The following PUM3 variants were observed in gnomAD, a reference collection of about 807,000 sequenced individuals.
PUM3 encodes the protein pumilio RNA binding family member 3, also known as pumilio homolog 3.
In PUM3, 91 loss-of-function variants were observed where a neutral mutation model predicts 84.0. That is an observed-to-expected ratio of 1.08 (90% confidence interval 0.91 to 1.29). The LOEUF (loss-of-function observed/expected upper bound fraction) is 1.29, where lower values mean the gene tolerates loss of function less well. Among genes scored for constraint, PUM3 ranks in the 50% most tolerant of loss-of-function variants. The probability of loss-of-function intolerance (pLI) is 0.00; values close to 1 mark genes in which losing one functional copy is unlikely to be tolerated. For missense variants in PUM3, 1,067 were observed against 767.5 expected, an observed-to-expected ratio of 1.39 and a Z score of -4.61; for synonymous variants, 321 against 266.7, an observed-to-expected ratio of 1.20 and a Z score of -1.98.
chr9:2,829,181 A>G (rs893389293), intron 8 of PUM3, among the ~76,000 whole-genome samples: 2 of 152,246 alleles, frequency 1.3e-5, no homozygotes, highest in African/African-American at 2.4e-5. Flanking sequence ...GAACCTGGCT[A>G]ATGGAGGCAA....
chr9:2,843,847 G>A (rs1030994528), intron 1 of PUM3, among the ~76,000 whole-genome samples, 198 bp downstream of exon 1: 6 of 151,834 alleles, frequency 4.0e-5, no homozygotes, highest in Non-Finnish European at 8.8e-5. Flanking sequence ...CAAAGTGCTG[G>A]GATTACAGGC....
At position 2,826,214 on chromosome 9, in the gene PUM3, T is replaced by C. The variant is rs866683597; in HGVS notation, c.1035+859A>G. On this transcript the variant is annotated intron_variant, in intron 10 of 17. Transcript: ENST00000397885. ...ATGATTTTTTGCTGTTACTGAAACA[T>C]TCAACACTAAAAAGATACTTTCTAC... Among the ~76,000 whole-genome samples, 5 of 152,226 alleles carry C rather than the reference T, an allele frequency of 3.3e-5. No individual in the cohort carries two copies. In the South Asian group the frequency reaches 6.2e-4, roughly 19 times the overall value.
chr9:2,828,355 A>G, intron 9 of PUM3: 1 of 219,062 alleles, frequency 4.6e-6, no homozygotes. Context: ...ACCAAATTTG[A>G]GTAACAGATT....
chr9:2,825,306 C>A (rs183559732), intron 10 of PUM3, among the ~76,000 whole-genome samples: 90 of 152,214 alleles, frequency 5.9e-4, no homozygotes, highest in African/African-American at 2.0e-3. Flanking sequence ...AAATCACATT[C>A]TTTACCATAA....
intron 13 of PUM3, among the ~76,000 whole-genome samples, chr9:2,817,226 G>A (rs1291254006): frequency 2.0e-5 from 3 of 152,104 alleles, no homozygotes; most frequent in Non-Finnish European, 4.4e-5. Context: ...AAAATAAATC[G>A]CAGTATAGTC....
intron 5 of PUM3, among the ~76,000 whole-genome samples, chr9:2,832,727 C>A (rs1816018015): frequency 6.6e-6 from 1 of 152,168 alleles, no homozygotes; most frequent in Non-Finnish European, 1.5e-5. Context: ...TTCCTTCAAA[C>A]TGTAATATAG....
At chr9:2,813,531 G>A (rs1355765521) in intron 13 of PUM3, among the ~76,000 whole-genome samples, 1 of 152,192 alleles carries the variant, frequency 6.6e-6, no homozygotes, top group East Asian at 1.9e-4. Flanking sequence ...CAGTGTCCTG[G>A]TCCTCCAACT....
At chr9:2,822,308 T>C (rs1488095216) in intron 12 of PUM3, among the ~76,000 whole-genome samples, 1 of 152,068 alleles carries the variant, frequency 6.6e-6, no homozygotes, top group Non-Finnish European at 1.5e-5. Context: ...CAATATATTA[T>C]TTTCAAAATA....
Position 2,830,962 on chromosome 9 carries a change from C to A in PUM3, c.677G>T (p.Gly226Val), listed in dbSNP as rs1445821003. The part of the protein sequence containing the change: ...RNIVKKFLMY[G>V]SKPQIAEIIR... ...GTATTTTATACATAAAACAACTTAC[C>A]CATACATGAGAAATTTCTTAACAAT... The change falls in exon 7 of 18, where the codon GGA becomes GTA. Residue 226 changes from glycine to valine, a missense_variant and splice_region_variant. Transcript: ENST00000397885. The A allele has an allele frequency of 2.1e-6, 3 of 1,407,842 alleles. No homozygotes were observed. Among genetic ancestry groups the A allele is most frequent in the Admixed American group, 1.8e-5 (1 of 55,892 alleles). The allele number at this position is 1,407,842 out of a possible 1,614,324, so 87.2% of individuals were successfully genotyped here.
chr9:2,824,652 A>T, intron 11 of PUM3, 65 bp downstream of exon 11: 1 of 1,059,492 alleles, frequency 9.4e-7, no homozygotes, highest in South Asian at 2.4e-5. Context: ...CAGCTAAGTC[A>T]AGCCTGCAGA....
At chr9:2,831,766 C>T (rs1815987903) in intron 5 of PUM3, among the ~76,000 whole-genome samples, 1 of 152,138 alleles carries the variant, frequency 6.6e-6, no homozygotes, top group Non-Finnish European at 1.5e-5. Flanking sequence ...GCTTTGGCAA[C>T]CAGAAGTATA....
intron 13 of PUM3, among the ~76,000 whole-genome samples, chr9:2,814,556 G>A (rs1821433870): frequency 1.3e-5 from 2 of 152,050 alleles, no homozygotes; most frequent in South Asian, 4.1e-4. Flanking sequence ...CCCAAATATG[G>A]CATACCTTGA....
Position 2,834,126 on chromosome 9 carries a change from CT to C in PUM3, c.344del (p.Lys115ArgfsTer6), listed in dbSNP as rs777172245. On this transcript the variant is annotated frameshift_variant, in exon 4 of 18. Coordinates refer to ENST00000397885, the MANE Select transcript of PUM3 (RefSeq NM_014878.5). LOFTEE classifies it high-confidence loss of function. Reference protein sequence around the residue: ...AKKPKWDDFKKKKKELKQSRQ... With the variant: ...AKKPKWDDFKXKKKELKQSRQ... ...TGCTTTGCTTCAGTTCTTTCTTCTT[CT>C]TTTTGAAGTCATCCCATTTGGGCTT... 6.2e-7 allele frequency: 1 copy of C among 1,613,490 alleles called. No individual in the cohort carries two copies. The highest frequency in any genetic ancestry group is 1.1e-5 in the South Asian group (1 of 91,018).
intron 13 of PUM3, among the ~76,000 whole-genome samples, chr9:2,817,887 A>G (rs10812738): frequency 0.2 from 30,022 of 152,206 alleles, 5,176 homozygotes; most frequent in African/African-American, 0.47. Context: ...ATTGGCTAGT[A>G]TACTTATTTA....
intron 10 of PUM3, among the ~76,000 whole-genome samples, chr9:2,826,358 A>G (rs190561497): frequency 2.1e-4 from 32 of 152,338 alleles, no homozygotes; most frequent in African/African-American, 7.7e-4. Flanking sequence ...AGGTGCTGCT[A>G]TGGTCATCAA....
Position 2,812,237 on chromosome 9 carries a change from T to C in PUM3, c.1395A>G (p.Gly465=). The change falls in exon 14 of 18, where the codon GGA becomes GGG. Residue 465 remains glycine, a synonymous_variant. Coordinates refer to ENST00000397885, the MANE Select transcript of PUM3 (RefSeq NM_014878.5). ...VREIIEVLQK[G]DGNAHSKKDT... is the part of the protein sequence containing the mutation. Reference sequence around the variant, plus strand: ...GGTTTTACCTGTGTGCATTTCCATCTCCTTTTTGCAGAACTTCAATGATTT... The same window carrying C: ...GGTTTTACCTGTGTGCATTTCCATCCCCTTTTTGCAGAACTTCAATGATTT... 1 of 1,613,846 alleles carries C rather than the reference T, an allele frequency of 6.2e-7. No homozygotes were observed. Among genetic ancestry groups the C allele is most frequent in the Non-Finnish European group, 8.5e-7 (1 of 1,179,786 alleles).
chr9:2,828,366 A>G (rs1401240548), intron 9 of PUM3: 1 of 237,768 alleles, frequency 4.2e-6, no homozygotes, highest in Non-Finnish European at 8.1e-6. Context: ...GTAACAGATT[A>G]TATTTGTGAA....
At position 2,812,311 on chromosome 9, in the gene PUM3, C is replaced by T; in HGVS notation, c.1321G>A (p.Val441Ile). Reference protein sequence around the residue: ...SIVNDKYGRKVLLYLLSPRDP... With the variant: ...SIVNDKYGRKILLYLLSPRDP... Reference sequence around the variant, plus strand: ...CTGGGGCTTAGTAAGTACAATAGGACCTTCCTTCCATATTTGTCATTTACT... The same window carrying T: ...CTGGGGCTTAGTAAGTACAATAGGATCTTCCTTCCATATTTGTCATTTACT... The change falls in exon 14 of 18, where the codon GTC becomes ATC. Residue 441 changes from valine (V) to isoleucine (I), a missense_variant. Coordinates refer to ENST00000397885, the MANE Select transcript of PUM3 (RefSeq NM_014878.5). The T allele has an allele frequency of 6.2e-7, 1 of 1,600,136 alleles. No homozygotes were observed. The highest frequency in any genetic ancestry group is 8.6e-7 in the Non-Finnish European group (1 of 1,167,474).
intron 8 of PUM3, 42 bp downstream of exon 8, chr9:2,829,732 C>T (rs371192200): frequency 1.7e-5 from 26 of 1,551,912 alleles, no homozygotes; most frequent in African/African-American, 6.9e-5. Context: ...AAGAGCATAT[C>T]GAAAAGTAAA....
Sources: gnomAD v4.1 joint callset for allele counts (sites outside exome capture counted in the v4.1 genomes callset) on GRCh38, gnomAD v4.1.1 for gene constraint, MANE v1.5 for transcripts, NCBI Gene and HGNC (gene_info 2026-07-23, HGNC 2026-07-21) for gene names.